CNTN6: variants seen among roughly 807,000 people sequenced by gnomAD.
CNTN6 encodes contactin 6.
Under a neutral mutation model 122.8 loss-of-function variants are expected in CNTN6, and 137 were observed. That is an observed-to-expected ratio of 1.12 (90% CI 0.97 to 1.29). CNTN6 has a LOEUF of 1.29. Ranked by LOEUF, CNTN6 falls within the 50% of genes most tolerant of loss-of-function variation. The probability of loss-of-function intolerance (pLI) is 0.00; values close to 1 mark genes in which losing one functional copy is unlikely to be tolerated. For synonymous variants in CNTN6, 570 were observed against 426.0 expected (o/e 1.34, Z -4.16); for missense variants, 1,634 against 1,223.4 (o/e 1.34, Z -5.01).
chr3:1,318,220 C>G (rs1258267108), intron 7 of CNTN6, among the ~76,000 whole-genome samples: 1 of 151,548 alleles, frequency 6.6e-6, no homozygotes, highest in East Asian at 2.0e-4. Context: ...CGTTTCTTGC[C>G]TTTTGCTATC....
In CNTN6 at chr3:1,325,971, T is replaced by C. The variant is rs922132327; in HGVS notation, c.1083+20T>C. ...CCAGAGGTAAGCAACTATGTTGATA[T>C]TAAAAGTTTACCTACTCTACTAGGT... On this transcript the variant is annotated intron_variant, in intron 9 of 22. Coordinates refer to ENST00000446702, the MANE Select transcript of CNTN6 (RefSeq NM_001289080.2). The C allele has an allele frequency of 1.1e-5, 17 of 1,597,562 alleles. No homozygotes were observed. Among genetic ancestry groups the C allele is most frequent in the Non-Finnish European group, 1.4e-5 (17 of 1,173,854 alleles).
At chr3:1,367,678 C>T (rs1039317023) in intron 12 of CNTN6, among the ~76,000 whole-genome samples, 1 of 152,138 alleles carries the variant, frequency 6.6e-6, no homozygotes, top group Non-Finnish European at 1.5e-5. Context: ...ACCCAGCAGT[C>T]GGCATGCGTG....
intron 4 of CNTN6, among the ~76,000 whole-genome samples, chr3:1,259,558 T>A (rs1366266885): frequency 6.6e-6 from 1 of 152,016 alleles, no homozygotes; most frequent in African/African-American, 2.4e-5. Context: ...TTACTGGCAG[T>A]GGAAAAACAC....
At chr3:1,371,693 T>G (rs995653062) in intron 12 of CNTN6, among the ~76,000 whole-genome samples, 2 of 152,140 alleles carry the variant, frequency 1.3e-5, no homozygotes, top group African/African-American at 4.8e-5. Context: ...GAGGGAAGGT[T>G]TTTATGATGG....
At chr3:1,309,199 C>G (rs1293130726) in intron 7 of CNTN6, among the ~76,000 whole-genome samples, 2 of 152,092 alleles carry the variant, frequency 1.3e-5, no homozygotes, top group African/African-American at 4.8e-5. Context: ...AATACAAAAA[C>G]TCATCACTAT....
chr3:1,329,979 A>G (rs1702073327), intron 11 of CNTN6, 44 bp downstream of exon 11: 2 of 1,421,782 alleles, frequency 1.4e-6, no homozygotes, highest in African/African-American at 3.0e-5. Context: ...TTTGTAATAT[A>G]ACATCTTCCA....
intron 1 of CNTN6, among the ~76,000 whole-genome samples, chr3:1,119,501 A>T (rs2091871000): frequency 6.6e-6 from 1 of 151,942 alleles, no homozygotes; most frequent in Non-Finnish European, 1.5e-5. Flanking sequence ...CCAGGGTCTG[A>T]GGAAATTTGA....
chr3:1,124,749 G>C (rs1194395156), intron 1 of CNTN6, among the ~76,000 whole-genome samples: 1 of 151,780 alleles, frequency 6.6e-6, no homozygotes, highest in Non-Finnish European at 1.5e-5. Flanking sequence ...TCATCACCTG[G>C]TTTTACTTAT....
At chr3:1,376,318 G>A (rs1335833706) in intron 16 of CNTN6, among the ~76,000 whole-genome samples, 1 of 152,008 alleles carries the variant, frequency 6.6e-6, no homozygotes, top group East Asian at 1.9e-4. Flanking sequence ...CAGAGTTGAA[G>A]GGCATAGTTT....
At chr3:1,143,820 T>C (rs1429897447) in intron 1 of CNTN6, among the ~76,000 whole-genome samples, 1 of 152,202 alleles carries the variant, frequency 6.6e-6, no homozygotes, top group Non-Finnish European at 1.5e-5. Context: ...GGGCAACATT[T>C]GCTATGAAAT....
chr3:1,148,445 T>C (rs1307556300), intron 2 of CNTN6, among the ~76,000 whole-genome samples: 1 of 146,768 alleles, frequency 6.8e-6, no homozygotes, highest in Admixed American at 6.7e-5. Flanking sequence ...TTTAAAAAAT[T>C]AAAATTAAAA....
At chr3:1,112,727 A>G (rs1025952571) in intron 1 of CNTN6, among the ~76,000 whole-genome samples, 2 of 152,152 alleles carry the variant, frequency 1.3e-5, no homozygotes, top group Non-Finnish European at 2.9e-5. Context: ...GGTATTATTT[A>G]ATCCGATCAG....
chr3:1,382,433 AATG>A (rs1232902693), intron 17 of CNTN6, among the ~76,000 whole-genome samples: 1 of 152,216 alleles, frequency 6.6e-6, no homozygotes, highest in African/African-American at 2.4e-5. Context: ...TGCCTAAAAA[AATG>A]ATGGGAGGTC....
chr3:1,213,438 G>C (rs564482920), intron 2 of CNTN6, among the ~76,000 whole-genome samples: 1 of 151,256 alleles, frequency 6.6e-6, no homozygotes, highest in South Asian at 2.1e-4. Flanking sequence ...CCATCTCAGC[G>C]TATTTATTTC....
At chr3:1,208,254 G>C (rs2093984597) in intron 2 of CNTN6, among the ~76,000 whole-genome samples, 1 of 151,854 alleles carries the variant, frequency 6.6e-6, no homozygotes, top group Non-Finnish European at 1.5e-5. Flanking sequence ...TATCATTTAA[G>C]GTCCTTCAAA....
Position 1,385,740 on chromosome 3 carries a change from A to G in CNTN6, c.2647A>G (p.Asn883Asp), listed in dbSNP as rs1467698342. Residue 883 changes from asparagine (N) to aspartate (D), a missense_variant, in exon 20 of 23, where the codon AAC becomes GAC. Transcript: ENST00000446702. Reference sequence around the variant, plus strand: ...CTACTTTGCTTCCGTAAGAGCTTACAACACTGCTGGGACAGGGCCCTCAAG... The same window carrying G: ...CTACTTTGCTTCCGTAAGAGCTTACGACACTGCTGGGACAGGGCCCTCAAG... ...TIYFASVRAY[N>D]TAGTGPSSPP... 11 of 1,614,116 alleles carry G rather than the reference A, an allele frequency of 6.8e-6. No individual in the cohort carries two copies. Among genetic ancestry groups the G allele is most frequent in the Non-Finnish European group, 9.3e-6 (11 of 1,179,958 alleles).
intron 3 of CNTN6, among the ~76,000 whole-genome samples, chr3:1,225,554 G>C (rs935990351): frequency 6.6e-6 from 1 of 152,094 alleles, no homozygotes; most frequent in African/African-American, 2.4e-5. Context: ...AACTAAATAT[G>C]GTATATCCTA....
At chr3:1,286,819 G>A (rs907777957) in intron 5 of CNTN6, among the ~76,000 whole-genome samples, 1 of 152,214 alleles carries the variant, frequency 6.6e-6, no homozygotes, top group African/African-American at 2.4e-5. Flanking sequence ...AGACACATAG[G>A]AGACCCACCT....
At chr3:1,176,569 A>G (rs891216822) in intron 2 of CNTN6, among the ~76,000 whole-genome samples, 4 of 152,212 alleles carry the variant, frequency 2.6e-5, no homozygotes, top group Non-Finnish European at 4.4e-5. Context: ...AAAAGCAAAG[A>G]AAAAGCAAGT....
Sources: allele counts gnomAD v4.1 joint callset (sites outside exome capture counted in the v4.1 genomes callset), GRCh38; gene constraint gnomAD v4.1.1; transcripts MANE v1.5; gene names NCBI Gene and HGNC (gene_info 2026-07-23, HGNC 2026-07-21).